Variants in TLN2 observed in about 807,000 individuals in gnomAD.
TLN2 encodes the protein talin-2.
TLN2 carries 118 observed loss-of-function variants against 294.7 expected under a neutral mutation model. The ratio of observed to expected loss-of-function variants is 0.40; its 90% CI spans 0.34 to 0.47. The LOEUF (loss-of-function observed/expected upper bound fraction) is 0.47, where lower values mean the gene tolerates loss of function less well. TLN2 is among the 20% of genes least tolerant of loss of function. The pLI is 0.84. For synonymous variants in TLN2, 1,431 were observed against 1,304.5 expected, an observed-to-expected ratio of 1.10 and a Z score of -2.09; for missense variants, 3,083 against 3,282.2, an observed-to-expected ratio of 0.94 and a Z score of 1.48.
chr15:62,429,973 A>C lies in TLN2; in HGVS notation c.-238+39288A>C, dbSNP rs190490110. 8.3e-3 allele frequency among the ~76,000 whole-genome samples: 1,261 copies of C among 152,292 alleles called. 8 individuals carry two copies. The highest frequency in any genetic ancestry group is 0.014 in the Non-Finnish European group (933 of 68,028). On this transcript the variant is annotated intron_variant, in intron 1 of 58. Coordinates refer to ENST00000636159, the MANE Select transcript of TLN2 (RefSeq NM_015059.3). ...TATAAATGCGGAGACTTCCTGAGAG[A>C]CCTGGCCCGAACTGATAAGAAAAAA...
chr15:62,401,323 T>C (rs1214072404), intron 1 of TLN2, among the ~76,000 whole-genome samples: 1 of 152,204 alleles, frequency 6.6e-6, no homozygotes, highest in Non-Finnish European at 1.5e-5. Context: ...AGGGTCTCGC[T>C]CTATCACCCA....
At chr15:62,739,218 C>A in intron 30 of TLN2, 130 bp from the exon 31 acceptor site, 1 of 1,020,056 alleles carries the variant, frequency 9.8e-7, no homozygotes, top group Non-Finnish European at 1.4e-6. Context: ...GCTCAGATGA[C>A]TCAGAGCCTT....
intron 1 of TLN2, among the ~76,000 whole-genome samples, chr15:62,583,332 C>G (rs1283636455): frequency 6.6e-6 from 1 of 152,094 alleles, no homozygotes; most frequent in Non-Finnish European, 1.5e-5. Flanking sequence ...CTGTGTTGGT[C>G]TGACTAATTG....
intron 3 of TLN2, chr15:62,640,332 T>C (rs770298998): frequency 1.3e-4 from 58 of 456,354 alleles, no homozygotes; most frequent in African/African-American, 1.0e-3. Context: ...CACAGAGGCC[T>C]TCCCAGGAGG....
chr15:62,770,207 G>A (rs145284488), intron 41 of TLN2, among the ~76,000 whole-genome samples: 1 of 152,196 alleles, frequency 6.6e-6, no homozygotes, highest in Non-Finnish European at 1.5e-5. Flanking sequence ...GCCTCTTAAA[G>A]TTGTGGAGGC....
At chr15:62,603,133 C>A (rs2047140769) in intron 2 of TLN2, among the ~76,000 whole-genome samples, 1 of 152,092 alleles carries the variant, frequency 6.6e-6, no homozygotes, top group Non-Finnish European at 1.5e-5. Flanking sequence ...ACTTCATGAT[C>A]CACCTGCCTC....
intron 32 of TLN2, among the ~76,000 whole-genome samples, chr15:62,742,024 GGTGTGTGTGT>G (rs1169646907): frequency 1.2e-5 from 1 of 82,278 alleles, no homozygotes; most frequent in African/African-American, 4.4e-5. Flanking sequence ...CTTGTAGTGG[GGTGTGTGTGT>G]GTGTGTGTGT....
intron 1 of TLN2, among the ~76,000 whole-genome samples, chr15:62,423,634 G>A (rs1223992704): frequency 6.6e-6 from 1 of 151,744 alleles, no homozygotes; most frequent in African/African-American, 2.4e-5. Flanking sequence ...AAGCTGGAGT[G>A]CAGTGGCATG....
At chr15:62,833,311 TAA>T in intron 54 of TLN2, 191 bp from the exon 55 acceptor site, 1 of 786,322 alleles carries the variant, frequency 1.3e-6, no homozygotes, top group East Asian at 2.8e-5. Flanking sequence ...CAAACTGACT[TAA>T]GAGTCCTGAA....
intron 48 of TLN2, among the ~76,000 whole-genome samples, chr15:62,797,879 G>A (rs2065622184): frequency 6.6e-6 from 1 of 152,226 alleles, no homozygotes; most frequent in Non-Finnish European, 1.5e-5. Flanking sequence ...CATAGAGGTA[G>A]CGACTGCAAC....
chr15:62,521,607 G>T (rs1432577195), intron 1 of TLN2, among the ~76,000 whole-genome samples: 1 of 152,166 alleles, frequency 6.6e-6, no homozygotes, highest in Non-Finnish European at 1.5e-5. Context: ...GAGGGTCAAG[G>T]TTCTTGTTTT....
chr15:62,744,258 A>T (rs1165093122), intron 32 of TLN2, among the ~76,000 whole-genome samples: 2 of 152,048 alleles, frequency 1.3e-5, no homozygotes, highest in African/African-American at 4.8e-5. Context: ...GCGATCCATC[A>T]TGCCCTGCCG....
Position 62,798,236 on chromosome 15 carries a change from C to G in TLN2, c.6234+834C>G, listed in dbSNP as rs766589320. On this transcript the variant is annotated intron_variant, in intron 48 of 58. Transcript: ENST00000636159. ...TGGCCCAGGTGAGAACTTCGGTTCT[C>G]AAGGAAGAGAGAGAAGAACTGGAAG... 9.9e-5 allele frequency among the ~76,000 whole-genome samples: 15 copies of G among 152,202 alleles called. No individual in the cohort carries two copies. The East Asian group carries it at 2.1e-3, about 22-fold the overall frequency.
At chr15:62,549,523 G>A (rs962887733) in intron 1 of TLN2, among the ~76,000 whole-genome samples, 1 of 103,436 alleles carries the variant, frequency 9.7e-6, no homozygotes, top group African/African-American at 3.8e-5. Context: ...CATCCATCCA[G>A]TGAGTTCCTG....
At chr15:62,469,985 C>T (rs1417209489) in intron 1 of TLN2, among the ~76,000 whole-genome samples, 1 of 152,064 alleles carries the variant, frequency 6.6e-6, no homozygotes, top group Non-Finnish European at 1.5e-5. Flanking sequence ...AGAGCGCATG[C>T]ACATGTAAGT....
At chr15:62,669,938 T>G (rs1225620440) in intron 9 of TLN2, among the ~76,000 whole-genome samples, 1 of 152,174 alleles carries the variant, frequency 6.6e-6, no homozygotes, top group African/African-American at 2.4e-5. Context: ...GGGTAACACC[T>G]CTAGTGCACC....
intron 2 of TLN2, among the ~76,000 whole-genome samples, chr15:62,603,019 A>G (rs1379141196): frequency 6.6e-6 from 1 of 151,922 alleles, no homozygotes; most frequent in Non-Finnish European, 1.5e-5. Context: ...CAGCCTCCCA[A>G]GTAGCTGGGA....
chr15:62,744,566 A>G (rs8041367), intron 32 of TLN2, among the ~76,000 whole-genome samples: 146,568 of 151,930 alleles, frequency 0.96, 70,917 homozygotes, highest in East Asian at 1. Context: ...TTTTATTTTG[A>G]GATGGAATTT....
At chr15:62,735,112 A>G (rs1211775876) in intron 28 of TLN2, among the ~76,000 whole-genome samples, 1 of 152,218 alleles carries the variant, frequency 6.6e-6, no homozygotes, top group Non-Finnish European at 1.5e-5. Context: ...TTTGACCTCA[A>G]AGTGAGGAAA....
Sources: allele counts gnomAD v4.1 joint callset (sites outside exome capture counted in the v4.1 genomes callset), GRCh38; gene constraint gnomAD v4.1.1; transcripts MANE v1.5; gene names NCBI Gene and HGNC (gene_info 2026-07-23, HGNC 2026-07-21).